Variants in GRIK2 observed in about 807,000 individuals in gnomAD.
GRIK2 encodes glutamate receptor ionotropic, kainate 2.
A neutral mutation model predicts 100.3 loss-of-function variants in GRIK2; 32 were observed. That is an observed-to-expected ratio of 0.32 (90% CI 0.24 to 0.43). GRIK2 has a LOEUF of 0.43. Among genes scored for constraint, GRIK2 ranks in the 20% least tolerant of loss-of-function variants. GRIK2 has a pLI of 1.00. For missense variants in GRIK2, 843 were observed against 1,114.9 expected, an observed-to-expected ratio of 0.76 and a Z score of 3.47; for synonymous variants, 417 against 389.4, an observed-to-expected ratio of 1.07 and a Z score of -0.83.
chr6:101,403,674 C>T (rs1351880372), intron 2 of GRIK2, among the ~76,000 whole-genome samples: 1 of 152,170 alleles, frequency 6.6e-6, no homozygotes, highest in Non-Finnish European at 1.5e-5. Context: ...TACAAGCCGC[C>T]ACTCTACAAA....
rs192147954 is a variant in GRIK2, at chr6:101,491,627, A to T, written c.115+92235A>T. ...TCTCCCGTCTCTGTCTCTATTTTCT[A>T]TCTCATTATTGAAGCATTTGAATGT... On this transcript the variant is annotated intron_variant, in intron 2 of 16. Transcript: ENST00000369134. 7.9e-5 allele frequency among the ~76,000 whole-genome samples: 12 copies of T among 152,060 alleles called. No homozygotes were observed. The East Asian group carries it at 1.9e-3, about 25-fold the overall frequency.
At chr6:101,986,791 C>A (rs979710497) in intron 14 of GRIK2, among the ~76,000 whole-genome samples, 1 of 151,672 alleles carries the variant, frequency 6.6e-6, no homozygotes, top group Non-Finnish European at 1.5e-5. Flanking sequence ...ACTAAGTGAA[C>A]CTTTCAAAAA....
chr6:101,531,661 G>C (rs1245537887), intron 2 of GRIK2, among the ~76,000 whole-genome samples: 1 of 151,802 alleles, frequency 6.6e-6, no homozygotes, highest in Non-Finnish European at 1.5e-5. Flanking sequence ...ATTATGAATA[G>C]TTCCCTTAAA....
chr6:101,856,912 T>G (rs566605529), intron 10 of GRIK2, among the ~76,000 whole-genome samples: 2 of 152,274 alleles, frequency 1.3e-5, no homozygotes, highest in Non-Finnish European at 2.9e-5. Flanking sequence ...AGGTGGATTT[T>G]GAATATACCG....
At chr6:101,891,327 G>A (rs1410385155) in intron 12 of GRIK2, among the ~76,000 whole-genome samples, 1 of 151,680 alleles carries the variant, frequency 6.6e-6, no homozygotes, top group African/African-American at 2.4e-5. Context: ...GACCATCCTG[G>A]CCAAAATGGT....
intron 2 of GRIK2, among the ~76,000 whole-genome samples, chr6:101,561,242 G>C (rs1776997041): frequency 6.6e-6 from 1 of 152,136 alleles, no homozygotes; most frequent in Non-Finnish European, 1.5e-5. Context: ...TGGTCTTAGA[G>C]CATGTATAGA....
chr6:102,065,916 A>G (rs1251592346), intron 16 of GRIK2: 1 of 1,417,668 alleles, frequency 7.1e-7, no homozygotes, highest in South Asian at 1.5e-5. Flanking sequence ...GTTCTTAATA[A>G]GTACATCTAA....
At chr6:101,563,301 AAC>A (rs1340069411) in intron 2 of GRIK2, among the ~76,000 whole-genome samples, 1 of 152,214 alleles carries the variant, frequency 6.6e-6, no homozygotes, top group African/African-American at 2.4e-5. Flanking sequence ...AAAAGATCAA[AAC>A]ACATGTTCTG....
chr6:101,669,958 G>A (rs1770305741), intron 4 of GRIK2, among the ~76,000 whole-genome samples: 1 of 152,126 alleles, frequency 6.6e-6, no homozygotes, highest in Non-Finnish European at 1.5e-5. Flanking sequence ...AGGCTTAGAA[G>A]CTAAGAGAAG....
At chr6:101,686,144 G>A in intron 6 of GRIK2, 36 bp from the exon 7 acceptor site, 14 of 1,570,868 alleles carry the variant, frequency 8.9e-6, no homozygotes, top group African/African-American at 1.4e-5. Flanking sequence ...AAGATACTCT[G>A]TCCATAATAA....
At chr6:101,827,252 C>G (rs560964138) in intron 10 of GRIK2, among the ~76,000 whole-genome samples, 1 of 151,932 alleles carries the variant, frequency 6.6e-6, no homozygotes, top group Admixed American at 6.6e-5. Flanking sequence ...GTATGAAAAT[C>G]ACTCCTGGCA....
At chr6:101,746,217 T>C (rs1279493797) in intron 7 of GRIK2, among the ~76,000 whole-genome samples, 1 of 152,224 alleles carries the variant, frequency 6.6e-6, no homozygotes, top group African/African-American at 2.4e-5. Flanking sequence ...TTTGGTGGTA[T>C]AAATACAGAA....
At chr6:101,730,640 C>G (rs1052517984) in intron 7 of GRIK2, among the ~76,000 whole-genome samples, 1 of 151,444 alleles carries the variant, frequency 6.6e-6, no homozygotes, top group Admixed American at 6.6e-5. Context: ...CACCTTTCAC[C>G]CTTTTTTGTT....
chr6:101,790,512 T>C (rs1462723140), intron 7 of GRIK2, among the ~76,000 whole-genome samples: 2 of 148,970 alleles, frequency 1.3e-5, no homozygotes, highest in Non-Finnish European at 3.0e-5. Flanking sequence ...ATTACATTTA[T>C]TGATTTGCGT....
intron 14 of GRIK2, among the ~76,000 whole-genome samples, chr6:101,995,897 C>T (rs1794626948): frequency 6.6e-6 from 1 of 151,580 alleles, no homozygotes; most frequent in Non-Finnish European, 1.5e-5. Flanking sequence ...CTATATAATC[C>T]CAATAACTAT....
chr6:101,733,850 C>T (rs1775456150), intron 7 of GRIK2, among the ~76,000 whole-genome samples: 1 of 151,520 alleles, frequency 6.6e-6, no homozygotes, highest in South Asian at 2.1e-4. Flanking sequence ...TTCCACAAGA[C>T]ACTAAAACAT....
chr6:101,528,619 A>G (rs1459418195), intron 2 of GRIK2, among the ~76,000 whole-genome samples: 1 of 152,150 alleles, frequency 6.6e-6, no homozygotes, highest in East Asian at 1.9e-4. Flanking sequence ...CAGTTTTCAA[A>G]GTGTTACTGG....
intron 11 of GRIK2, among the ~76,000 whole-genome samples, chr6:101,874,382 G>C (rs2128449898): frequency 6.6e-6 from 1 of 152,148 alleles, no homozygotes; most frequent in South Asian, 2.1e-4. Flanking sequence ...GTTTTTGTCA[G>C]GTTTGTCAAA....
At position 101,726,177 on chromosome 6, in the gene GRIK2, T is replaced by G. The variant is rs1244658179; in HGVS notation, c.951+39824T>G. Among the ~76,000 whole-genome samples, 3 of 151,974 alleles carry G rather than the reference T, an allele frequency of 2.0e-5. No homozygotes were observed. The East Asian group carries it at 5.8e-4, about 29-fold the overall frequency. ...GATTTGAAGAATAATCTTCCTATGT[T>G]GGATAACGCTTTATGCAAACAGTGT... On this transcript the variant is annotated intron_variant, in intron 7 of 16. Coordinates refer to ENST00000369134, the MANE Select transcript of GRIK2 (RefSeq NM_021956.5).
Sources: allele counts gnomAD v4.1 joint callset (sites outside exome capture counted in the v4.1 genomes callset), GRCh38; gene constraint gnomAD v4.1.1; transcripts MANE v1.5; gene names NCBI Gene and HGNC (gene_info 2026-07-23, HGNC 2026-07-21).